The following FBXL17 variants were observed in gnomAD, a reference collection of about 807,000 sequenced individuals.
The protein encoded by FBXL17 is F-box/LRR-repeat protein 17.
Under a neutral mutation model 66.2 loss-of-function variants are expected in FBXL17, and 22 were observed. That is an observed-to-expected ratio of 0.33 (90% CI 0.24 to 0.47). FBXL17 has a LOEUF of 0.47. Among genes scored for constraint, FBXL17 ranks in the 20% least tolerant of loss-of-function variants. The pLI, the probability that FBXL17 is intolerant of heterozygous loss-of-function variation, is 1.00. For missense variants in FBXL17, 878 were observed against 948.2 expected (o/e 0.93, Z 0.97); for synonymous variants, 474 against 400.5 (o/e 1.18, Z -2.19).
At chr5:108,206,726 G>A (rs1359856029) in intron 5 of FBXL17, among the ~76,000 whole-genome samples, 1 of 152,102 alleles carries the variant, frequency 6.6e-6, no homozygotes, top group East Asian at 1.9e-4. Flanking sequence ...ACCCTGTGTG[G>A]TATTCCATTG....
intron 4 of FBXL17, among the ~76,000 whole-genome samples, chr5:108,265,184 C>G (rs1756997691): frequency 6.6e-6 from 1 of 152,062 alleles, no homozygotes; most frequent in African/African-American, 2.4e-5. Context: ...GATTATATGA[C>G]TAACCTGAGG....
chr5:108,339,504 A>G lies in FBXL17; in HGVS notation c.1506+8895T>C, dbSNP rs557659516. On this transcript the variant is annotated intron_variant, in intron 4 of 8. Coordinates refer to ENST00000542267, the MANE Select transcript of FBXL17 (RefSeq NM_001163315.3). ...GCACTTCCACACTTGTATCTTAGAG[A>G]TAATTTGTTTTGCTTCAAATATCTG... Among the ~76,000 whole-genome samples, 17 of 152,182 alleles carry G rather than the reference A, an allele frequency of 1.1e-4. No individual in the cohort carries two copies. The East Asian group carries it at 2.9e-3, about 26-fold the overall frequency.
At chr5:108,060,321 G>C (rs963831963) in intron 6 of FBXL17, among the ~76,000 whole-genome samples, 1 of 152,142 alleles carries the variant, frequency 6.6e-6, no homozygotes, top group Non-Finnish European at 1.5e-5. Flanking sequence ...AAATTACTCC[G>C]GTTGGATTAC....
At chr5:107,937,718 A>G (rs775099899) in intron 7 of FBXL17, among the ~76,000 whole-genome samples, 1 of 152,116 alleles carries the variant, frequency 6.6e-6, no homozygotes, top group Non-Finnish European at 1.5e-5. Flanking sequence ...CAGTGAATAC[A>G]TGTTGAATTG....
intron 6 of FBXL17, among the ~76,000 whole-genome samples, chr5:108,089,415 C>T (rs1580426589): frequency 1.3e-5 from 2 of 152,172 alleles, no homozygotes; most frequent in African/African-American, 4.8e-5. Flanking sequence ...CTACCATGGA[C>T]CTTTAGCACC....
intron 7 of FBXL17, among the ~76,000 whole-genome samples, chr5:107,944,572 G>C (rs946233366): frequency 2.6e-5 from 4 of 152,128 alleles, no homozygotes; most frequent in African/African-American, 9.7e-5. Context: ...TGTTAAGTAA[G>C]GAACAGCAGA....
At chr5:108,258,900 CTAAACATAA>C (rs1168882123) in intron 4 of FBXL17, among the ~76,000 whole-genome samples, 1 of 151,816 alleles carries the variant, frequency 6.6e-6, no homozygotes, top group African/African-American at 2.4e-5. Flanking sequence ...AATAGAAAAA[CTAAACATAA>C]TAAACATAAT....
chr5:108,286,830 C>T (rs1459655857), intron 4 of FBXL17, among the ~76,000 whole-genome samples: 2 of 152,004 alleles, frequency 1.3e-5, no homozygotes, highest in Admixed American at 6.6e-5. Flanking sequence ...ATAGCCACAG[C>T]AATCCTAAGC....
chr5:107,965,451 G>A (rs771330678), intron 7 of FBXL17, among the ~76,000 whole-genome samples: 2 of 152,008 alleles, frequency 1.3e-5, no homozygotes, highest in Non-Finnish European at 2.9e-5. Flanking sequence ...TCATTGTTTC[G>A]ATTTATAAAA....
rs142006229 is a variant in FBXL17 at position 108,181,515 on chromosome 5, A to G, written c.1745+4602T>C. Among the ~76,000 whole-genome samples, 558 of 152,358 alleles carry G rather than the reference A, an allele frequency of 3.7e-3. 2 individuals carry two copies. The highest frequency in any genetic ancestry group is 0.013 in the African/African-American group (536 of 41,590). On this transcript the variant is annotated intron_variant, in intron 6 of 8. Coordinates refer to ENST00000542267, the MANE Select transcript of FBXL17 (RefSeq NM_001163315.3). The stretch of plus-strand genomic sequence containing the variant: ...TCAATTCAAGGACCAGAAAATGCTA[A>G]CAGACACCATAAAGTATAACAGTAA...
At chr5:107,908,126 T>C (rs547069230) in intron 7 of FBXL17, among the ~76,000 whole-genome samples, 1 of 152,282 alleles carries the variant, frequency 6.6e-6, no homozygotes, top group East Asian at 1.9e-4. Context: ...TAAAAAATGA[T>C]GAGTTCATGT....
At chr5:107,916,298 A>G (rs1750130343) in intron 7 of FBXL17, among the ~76,000 whole-genome samples, 1 of 152,224 alleles carries the variant, frequency 6.6e-6, no homozygotes, top group South Asian at 2.1e-4. Flanking sequence ...AACAAAATTT[A>G]CAACAGAGGT....
chr5:108,030,571 T>C (rs1746577272), intron 6 of FBXL17, among the ~76,000 whole-genome samples: 1 of 152,150 alleles, frequency 6.6e-6, no homozygotes, highest in Non-Finnish European at 1.5e-5. Context: ...TGAAATGATC[T>C]ACTATTAATT....
intron 4 of FBXL17, among the ~76,000 whole-genome samples, chr5:108,304,198 T>C (rs1268541734): frequency 2.0e-5 from 3 of 152,038 alleles, no homozygotes; most frequent in East Asian, 1.9e-4. Flanking sequence ...AAAATTTCTA[T>C]GAAAATTTTT....
At chr5:108,221,634 A>T (rs545478179) in intron 5 of FBXL17, among the ~76,000 whole-genome samples, 1 of 152,282 alleles carries the variant, frequency 6.6e-6, no homozygotes, top group African/African-American at 2.4e-5. Flanking sequence ...TCTATATCTC[A>T]CATCCTCTTG....
rs1398069398 is a variant in FBXL17 at position 107,948,954 on chromosome 5, G to A, written c.1823-67775C>T. 2.0e-5 allele frequency among the ~76,000 whole-genome samples: 3 copies of A among 152,112 alleles called. No individual in the cohort carries two copies. In the East Asian group the frequency reaches 5.8e-4, roughly 29 times the overall value. The stretch of plus-strand genomic sequence containing the variant: ...AGCTAGGCACTTCAAAAAAACTAAT[G>A]AAGCCTTTCTAAAACTTCTCTCAAC... On this transcript the variant is annotated intron_variant, in intron 7 of 8. Transcript: ENST00000542267.
chr5:108,085,880 T>C (rs577539363), intron 6 of FBXL17, among the ~76,000 whole-genome samples: 2 of 152,306 alleles, frequency 1.3e-5, no homozygotes, highest in Admixed American at 6.5e-5. Flanking sequence ...TCCGAGATTA[T>C]GGCACTGCAC....
intron 6 of FBXL17, among the ~76,000 whole-genome samples, chr5:108,174,711 T>A (rs970799587): frequency 2.7e-5 from 4 of 150,204 alleles, no homozygotes; most frequent in Admixed American, 6.7e-5. Flanking sequence ...TCATACAATT[T>A]TTTTTCTCAT....
rs1349815421 is a variant in FBXL17 at position 107,861,326 on chromosome 5, A to G, written c.*394T>C. 6.6e-6 allele frequency: 1 copy of G among 151,522 alleles called. No homozygotes were observed. Among genetic ancestry groups the G allele is most frequent in the Non-Finnish European group, 1.5e-5 (1 of 68,008 alleles). The allele number at this position is 151,522 out of a possible 1,614,324, so 9.4% of individuals were successfully genotyped here. On this transcript the variant is annotated 3_prime_UTR_variant, in exon 9 of 9. Coordinates refer to ENST00000542267, the MANE Select transcript of FBXL17 (RefSeq NM_001163315.3). ...CATCACTTCTGCTGTAGTCATCATC[A>G]GTAGAAGTGCACAATTCATCCCATG...
Sources: allele counts gnomAD v4.1 joint callset (sites outside exome capture counted in the v4.1 genomes callset), GRCh38; gene constraint gnomAD v4.1.1; transcripts MANE v1.5; gene names NCBI Gene and HGNC (gene_info 2026-07-23, HGNC 2026-07-21).